The following SLC49A4 variants were observed in gnomAD, a reference collection of about 807,000 sequenced individuals.
SLC49A4 encodes the protein solute carrier family 49 member 4, also known as disrupted in renal cancer protein 2.
SLC49A4 carries 36 observed loss-of-function variants against 50.6 expected under a neutral mutation model. The ratio of observed to expected loss-of-function variants is 0.71; its 90% CI spans 0.55 to 0.94. The LOEUF (loss-of-function observed/expected upper bound fraction) is 0.94. Ranked by LOEUF, SLC49A4 falls within the 40% of genes least tolerant of loss-of-function variation. SLC49A4 has a pLI of 0.00. For synonymous variants in SLC49A4, 248 were observed against 241.2 expected (o/e 1.03, Z -0.26); for missense variants, 503 against 605.7 (o/e 0.83, Z 1.78).
In SLC49A4 at chr3:122,795,130, G is replaced by C. The variant is rs1365504525; in HGVS notation, c.-63G>C. ...CTCCTGCTGCTCAGGACTATTCTGC[G>C]CTGGGCTAGTCGGCGGTGACCCGGA... On this transcript the variant is annotated 5_prime_UTR_variant, in exon 1 of 9. Coordinates refer to ENST00000261038, the MANE Select transcript of SLC49A4 (RefSeq NM_032839.3). 1.5e-6 allele frequency: 2 copies of C among 1,294,932 alleles called. No individual in the cohort carries two copies. Among genetic ancestry groups the C allele is most frequent in the African/African-American group, 3.1e-5 (2 of 64,330 alleles). The allele number at this position is 1,294,932 out of a possible 1,614,324, so 80.2% of individuals were successfully genotyped here.
At chr3:122,843,834 C>T (rs76831401) in intron 4 of SLC49A4, among the ~76,000 whole-genome samples, 7,663 of 152,240 alleles carry the variant, frequency 0.05, 263 homozygotes, top group Middle Eastern at 0.11. Context: ...GATGCTGCTT[C>T]CTTTCATCAG....
chr3:122,798,935 C>T (rs1347046220), intron 1 of SLC49A4, among the ~76,000 whole-genome samples: 1 of 151,994 alleles, frequency 6.6e-6, no homozygotes, highest in Non-Finnish European at 1.5e-5. Context: ...TTTGTGCTGC[C>T]TCACGCCCCA....
chr3:122,845,233 T>C (rs1936831485), intron 4 of SLC49A4, among the ~76,000 whole-genome samples: 1 of 152,190 alleles, frequency 6.6e-6, no homozygotes, highest in African/African-American at 2.4e-5. Context: ...TTTCTGTTCC[T>C]GTGTTAGTTT....
chr3:122,877,830 G>A (rs1356866168), intron 8 of SLC49A4, among the ~76,000 whole-genome samples: 1 of 152,110 alleles, frequency 6.6e-6, no homozygotes, highest in African/African-American at 2.4e-5. Flanking sequence ...GGGAACATCA[G>A]AATGAAGACA....
At chr3:122,837,520 G>A (rs1936705065) in intron 4 of SLC49A4, among the ~76,000 whole-genome samples, 1 of 152,148 alleles carries the variant, frequency 6.6e-6, no homozygotes, top group Non-Finnish European at 1.5e-5. Flanking sequence ...GTAGAAAGCT[G>A]AAACTGGATC....
intron 1 of SLC49A4, among the ~76,000 whole-genome samples, chr3:122,801,466 C>T (rs987125840): frequency 2.0e-5 from 3 of 152,214 alleles, no homozygotes; most frequent in African/African-American, 7.2e-5. Flanking sequence ...GTGGTGGGCA[C>T]CTGTAATCCC....
intron 2 of SLC49A4, among the ~76,000 whole-genome samples, chr3:122,811,953 T>G (rs923323876): frequency 6.6e-6 from 1 of 152,136 alleles, no homozygotes; most frequent in African/African-American, 2.4e-5. Context: ...TTTTACCATG[T>G]GCATATATTA....
chr3:122,842,485 C>CAAAAAAAAA (rs34914829), intron 4 of SLC49A4, among the ~76,000 whole-genome samples: 1 of 58,760 alleles, frequency 1.7e-5, no homozygotes, highest in Non-Finnish European at 2.9e-5. Context: ...GACTCCGTCT[C>CAAAAAAAAA]AAAAAAAAAA....
intron 8 of SLC49A4, among the ~76,000 whole-genome samples, chr3:122,878,426 A>G (rs956224348): frequency 6.6e-6 from 1 of 152,204 alleles, no homozygotes; most frequent in African/African-American, 2.4e-5. Context: ...ACAGATGCAC[A>G]GCCCTAGGGT....
chr3:122,861,525 T>TA (rs1937057717), intron 7 of SLC49A4, among the ~76,000 whole-genome samples: 1 of 152,180 alleles, frequency 6.6e-6, no homozygotes, highest in African/African-American at 2.4e-5. Context: ...TAGAAATAAA[T>TA]AAGAGTCTGA....
chr3:122,795,411 T>A lies in SLC49A4; in HGVS notation c.219T>A (p.Gly73=). The A allele has an allele frequency of 6.2e-7, 1 of 1,607,784 alleles. No homozygotes were observed. Residue 73 remains glycine, a synonymous_variant, in exon 1 of 9, where the codon GGT becomes GGA. Coordinates refer to ENST00000261038, the MANE Select transcript of SLC49A4 (RefSeq NM_032839.3). ...AGGGCCTGGTCTGGAACACCTGGGG[T>A]CCCATCCAGAACTCGGCGCGCCAGG... ...FVQGLVWNTW[G]PIQNSARQAY...
In SLC49A4 at chr3:122,879,349, C is replaced by A. The variant is rs1937305467; in HGVS notation, c.1408C>A (p.Leu470Ile). 6.2e-7 allele frequency: 1 copy of A among 1,613,540 alleles called. No homozygotes were observed. The highest frequency in any genetic ancestry group is 8.5e-7 in the Non-Finnish European group (1 of 1,179,792). Residue 470 changes from leucine (L) to isoleucine (I), a missense_variant, in exon 9 of 9, where the codon CTC (leucine) becomes ATC (isoleucine). Coordinates refer to ENST00000261038, the MANE Select transcript of SLC49A4 (RefSeq NM_032839.3). ...GTGCTTCAGGGAATCCTATGACAGACTCTATCTTGATGTGGTTGTCTCCGT... is the reference window on the plus strand; with the variant it reads ...GTGCTTCAGGGAATCCTATGACAGAATCTATCTTGATGTGGTTGTCTCCGT... ...ILCFRESYDR[L>I]YLDVVVSV is the part of the protein sequence containing the mutation.
intron 4 of SLC49A4, among the ~76,000 whole-genome samples, chr3:122,842,697 C>A (rs991599555): frequency 1.3e-5 from 2 of 152,126 alleles, no homozygotes; most frequent in Non-Finnish European, 2.9e-5. Flanking sequence ...GTCCCCCCAA[C>A]CCCTTTGACT....
Position 122,827,099 on chromosome 3 carries a change from TTG to T in SLC49A4, c.703+36_703+37del, listed in dbSNP as rs777855952. The T allele has an allele frequency of 2.1e-5, 34 of 1,584,190 alleles. No individual in the cohort carries two copies. In the South Asian group the frequency reaches 3.9e-4, roughly 18 times the overall value. On this transcript the variant is annotated intron_variant, in intron 3 of 8. Transcript: ENST00000261038. ...AAGTTTATTTTCTTCTTGTTATACT[TTG>T]TCTTTTATCTCAATCATCTTCACTC...
At chr3:122,819,112 G>A (rs1936417027) in intron 2 of SLC49A4, among the ~76,000 whole-genome samples, 1 of 151,982 alleles carries the variant, frequency 6.6e-6, no homozygotes, top group African/African-American at 2.4e-5. Context: ...AGGTGTGCTA[G>A]TGTGTGCCTG....
intron 1 of SLC49A4, among the ~76,000 whole-genome samples, chr3:122,799,283 G>A (rs1230768827): frequency 6.6e-6 from 1 of 152,166 alleles, no homozygotes; most frequent in African/African-American, 2.4e-5. Context: ...GTGATAGAGT[G>A]GTATCATACT....
At chr3:122,802,102 A>C (rs889291082) in intron 1 of SLC49A4, among the ~76,000 whole-genome samples, 2 of 152,220 alleles carry the variant, frequency 1.3e-5, no homozygotes, top group African/African-American at 4.8e-5. Context: ...ACTTCAGGCC[A>C]GGAGTTCAAG....
intron 4 of SLC49A4, among the ~76,000 whole-genome samples, chr3:122,834,447 A>T (rs568083213): frequency 6.6e-6 from 1 of 152,194 alleles, no homozygotes; most frequent in South Asian, 2.1e-4. Flanking sequence ...AAATTAAACA[A>T]TCTGCTCCTG....
In SLC49A4 at chr3:122,853,270, C is replaced by T. The variant is rs548868018; in HGVS notation, c.943-3037C>T. Among the ~76,000 whole-genome samples, 4 of 152,308 alleles carry T rather than the reference C, an allele frequency of 2.6e-5. No homozygotes were observed. The East Asian group carries it at 5.8e-4, about 22-fold the overall frequency. On this transcript the variant is annotated intron_variant, in intron 5 of 8. Coordinates refer to ENST00000261038, the MANE Select transcript of SLC49A4 (RefSeq NM_032839.3). ...TCCCTTAATTACTTCCTAAAGGCCC[C>T]CACCTCTTAATATGATCACTTTAGG...
Sources: gnomAD v4.1 joint callset for allele counts (sites outside exome capture counted in the v4.1 genomes callset) on GRCh38, gnomAD v4.1.1 for gene constraint, MANE v1.5 for transcripts, NCBI Gene and HGNC (gene_info 2026-07-23, HGNC 2026-07-21) for gene names.